The following MCC variants were observed in gnomAD, a reference collection of about 807,000 sequenced individuals.
The protein encoded by MCC is MCC regulator of Wnt signaling pathway, also known as colorectal mutant cancer protein.
MCC carries 90 observed loss-of-function variants against 116.2 expected under a neutral mutation model. The ratio of observed to expected loss-of-function variants is 0.77; its 90% confidence interval spans 0.65 to 0.92. The LOEUF is 0.92. MCC is among the 40% of genes least tolerant of loss of function. The pLI is 0.00. For missense variants in MCC, 1,516 were observed against 1,312.2 expected (o/e 1.16, Z -2.40); for synonymous variants, 578 against 510.5 (o/e 1.13, Z -1.78).
intron 2 of MCC, among the ~76,000 whole-genome samples, chr5:113,348,635 G>A (rs1474029585): frequency 6.6e-6 from 1 of 151,852 alleles, no homozygotes; most frequent in South Asian, 2.1e-4. Flanking sequence ...ACAACCTAAT[G>A]GTGCATCTAA....
At chr5:113,161,326 T>C (rs1760470156) in intron 3 of MCC, among the ~76,000 whole-genome samples, 1 of 152,206 alleles carries the variant, frequency 6.6e-6, no homozygotes, top group Non-Finnish European at 1.5e-5. Flanking sequence ...AATACTGATG[T>C]GATTCCCCAG....
chr5:113,052,529 G>A (rs188141615), intron 15 of MCC, among the ~76,000 whole-genome samples: 265 of 152,260 alleles, frequency 1.7e-3, no homozygotes, highest in African/African-American at 2.5e-3. Flanking sequence ...CCCAAACTTC[G>A]CCCAGATTCT....
chr5:113,337,895 C>T (rs946655288), intron 3 of MCC, among the ~76,000 whole-genome samples: 5 of 152,188 alleles, frequency 3.3e-5, no homozygotes, highest in Admixed American at 6.5e-5. Context: ...TCGGGCTCTA[C>T]AGACCCTTCT....
intron 3 of MCC, among the ~76,000 whole-genome samples, chr5:113,245,070 T>C (rs1348741972): frequency 6.6e-6 from 1 of 152,098 alleles, no homozygotes; most frequent in African/African-American, 2.4e-5. Flanking sequence ...GGCAGGCAGA[T>C]CACCTGAGGT....
chr5:113,467,193 A>C (rs1243423872), intron 1 of MCC, among the ~76,000 whole-genome samples: 3 of 151,702 alleles, frequency 2.0e-5, no homozygotes, highest in Non-Finnish European at 4.4e-5. Flanking sequence ...GTTTAATTAG[A>C]TCCCATTTGT....
intron 1 of MCC, among the ~76,000 whole-genome samples, chr5:113,408,489 A>G (rs984042936): frequency 2.5e-4 from 38 of 152,334 alleles, no homozygotes; most frequent in African/African-American, 9.1e-4. Context: ...TCTTTACCTG[A>G]CAATGAATTA....
intron 1 of MCC, among the ~76,000 whole-genome samples, chr5:113,456,623 ATTTTTT>A (rs34111159): frequency 9.8e-5 from 5 of 51,072 alleles, no homozygotes; most frequent in East Asian, 1.4e-3. Context: ...TGCCCAGCTA[ATTTTTT>A]TTTTTTTTTT....
chr5:113,043,676 C>T, intron 16 of MCC, 46 bp from the exon 17 acceptor site: 3 of 1,434,920 alleles, frequency 2.1e-6, no homozygotes, highest in Non-Finnish European at 2.9e-6. Flanking sequence ...TCCAAGCCGG[C>T]AGCACCCTGG....
intron 3 of MCC, among the ~76,000 whole-genome samples, chr5:113,270,297 T>A (rs1581346090): frequency 6.6e-6 from 1 of 152,052 alleles, no homozygotes; most frequent in Admixed American, 6.6e-5. Context: ...CACGCCAGGG[T>A]GTCCAAACAT....
At chr5:113,406,381 C>T (rs1221930649) in intron 1 of MCC, among the ~76,000 whole-genome samples, 3 of 152,142 alleles carry the variant, frequency 2.0e-5, no homozygotes, top group African/African-American at 4.8e-5. Flanking sequence ...CTTATGCCAT[C>T]GAATAATAAT....
At chr5:113,377,477 G>A (rs1769016377) in intron 2 of MCC, among the ~76,000 whole-genome samples, 1 of 152,116 alleles carries the variant, frequency 6.6e-6, no homozygotes, top group Non-Finnish European at 1.5e-5. Flanking sequence ...TGTATCATGA[G>A]TACCTAGCAA....
In MCC at chr5:113,257,211, C is replaced by A. The variant is rs139015589; in HGVS notation, c.627+83308G>T. ...CTTTTGGCATATACTCCAGGTACCACTTCTGGTCATCCTGGCCCAGTCTGG... is the reference window on the plus strand; with the variant it reads ...CTTTTGGCATATACTCCAGGTACCAATTCTGGTCATCCTGGCCCAGTCTGG... On this transcript the variant is annotated intron_variant, in intron 3 of 18. Coordinates refer to ENST00000408903, the MANE Select transcript of MCC (RefSeq NM_001085377.2). 3.9e-3 allele frequency among the ~76,000 whole-genome samples: 599 copies of A among 152,294 alleles called. 5 individuals are homozygous for A. The highest frequency in any genetic ancestry group is 0.014 in the African/African-American group (580 of 41,562).
intron 1 of MCC, among the ~76,000 whole-genome samples, chr5:113,442,801 A>T (rs561370337): frequency 6.6e-6 from 1 of 152,294 alleles, no homozygotes; most frequent in African/African-American, 2.4e-5. Flanking sequence ...CAAAGATCAG[A>T]TAGTTGTAGA....
intron 1 of MCC, among the ~76,000 whole-genome samples, chr5:113,427,525 G>C (rs1449558516): frequency 6.6e-6 from 1 of 152,140 alleles, no homozygotes; most frequent in African/African-American, 2.4e-5. Context: ...TGCTAGCTTT[G>C]AATACTGCTT....
chr5:113,444,027 T>C (rs1217231230), intron 1 of MCC, among the ~76,000 whole-genome samples: 1 of 123,894 alleles, frequency 8.1e-6, no homozygotes, highest in Non-Finnish European at 1.6e-5. Flanking sequence ...GTGTGTTTAG[T>C]AGAGATGGGG....
intron 3 of MCC, among the ~76,000 whole-genome samples, chr5:113,175,825 T>C (rs1039726827): frequency 2.0e-5 from 3 of 152,096 alleles, no homozygotes; most frequent in African/African-American, 4.8e-5. Context: ...TTTTTCAACA[T>C]GTGGGTCATG....
intron 1 of MCC, among the ~76,000 whole-genome samples, chr5:113,454,002 C>T (rs910317547): frequency 6.6e-6 from 1 of 151,862 alleles, no homozygotes; most frequent in Non-Finnish European, 1.5e-5. Flanking sequence ...CCCAGCTGTT[C>T]GGCAGGCTGA....
chr5:113,473,607 A>G (rs1430656661), intron 1 of MCC, among the ~76,000 whole-genome samples: 1 of 152,248 alleles, frequency 6.6e-6, no homozygotes, highest in Non-Finnish European at 1.5e-5. Context: ...AGTAACAACT[A>G]TAATACAAAA....
chr5:113,358,512 T>A (rs1768467986), intron 2 of MCC, among the ~76,000 whole-genome samples: 1 of 152,222 alleles, frequency 6.6e-6, no homozygotes, highest in South Asian at 2.1e-4. Context: ...TAGGGGATCC[T>A]GAGACCTGTA....
Sources: allele counts gnomAD v4.1 joint callset (sites outside exome capture counted in the v4.1 genomes callset), GRCh38; gene constraint gnomAD v4.1.1; transcripts MANE v1.5; gene names NCBI Gene and HGNC (gene_info 2026-07-23, HGNC 2026-07-21).